TRIM11: variants seen among roughly 807,000 people sequenced by gnomAD.
TRIM11 encodes tripartite motif containing 11.
In TRIM11, 15 loss-of-function variants were observed where a neutral mutation model predicts 33.4. The ratio of observed to expected loss-of-function variants is 0.45; its 90% CI spans 0.30 to 0.69. TRIM11 has a LOEUF of 0.69. Among genes scored for constraint, TRIM11 ranks in the 30% least tolerant of loss-of-function variants. The pLI, the probability that TRIM11 is intolerant of heterozygous loss-of-function variation, is 0.08. For synonymous variants in TRIM11, 281 were observed against 302.6 expected (o/e 0.93, Z 0.74); for missense variants, 499 against 667.6 (o/e 0.75, Z 2.78).
chr1:228,394,570 G>A lies in TRIM11; in HGVS notation c.*135C>T, dbSNP rs896183147. 4 of 1,007,718 alleles carry A rather than the reference G, an allele frequency of 4.0e-6. No homozygotes were observed. In the African/African-American group the frequency reaches 4.9e-5, roughly 12 times the overall value. 62.4% of individuals were successfully genotyped at this position (1,007,718 alleles called of 1,614,324 possible). On this transcript the variant is annotated 3_prime_UTR_variant, in exon 6 of 6. Transcript: ENST00000284551. This position sits in a 1 kb window ranked among gnomAD's most constrained non-coding sequence, Gnocchi z 6.2. ...CTAGAATTGGGGTTCTCCCACGCAG[G>A]CTCAGAAAGGCACCAGGAGTTCCTC...
At chr1:228,399,838 T>C (rs1402277044) in intron 3 of TRIM11, among the ~76,000 whole-genome samples, 1 of 131,036 alleles carries the variant, frequency 7.6e-6, no homozygotes, top group African/African-American at 2.9e-5. Context: ...ACCATTCGGG[T>C]GATGGCTACA....
In TRIM11 at chr1:228,394,565, C is replaced by T. The variant is rs952852397; in HGVS notation, c.*140G>A. The T allele has an allele frequency of 1.8e-5, 17 of 970,922 alleles. No homozygotes were observed. Among genetic ancestry groups the T allele is most frequent in the Admixed American group, 1.5e-4 (5 of 34,124 alleles). The allele number at this position is 970,922 out of a possible 1,614,324, so 60.1% of individuals were successfully genotyped here. A position where few individuals can be genotyped will look rare whatever the true frequency, so the allele number is the denominator to read the frequency against. ...GAGTGCTAGAATTGGGGTTCTCCCA[C>T]GCAGGCTCAGAAAGGCACCAGGAGT... is the stretch of plus-strand genomic sequence containing the variant. On this transcript the variant is annotated 3_prime_UTR_variant, in exon 6 of 6. Transcript: ENST00000284551. The surrounding 1 kb of genome is among the most constrained non-coding windows in gnomAD (Gnocchi z 6.2).
At chr1:228,396,660 G>A in intron 5 of TRIM11, 1 of 715,768 alleles carries the variant, frequency 1.4e-6, no homozygotes, top group South Asian at 1.5e-5. Flanking sequence ...AATCTGTGGG[G>A]TCTGTACTAA....
chr1:228,394,801 C>A lies in TRIM11; in HGVS notation c.1311G>T (p.Thr437=), dbSNP rs1348422380. 6.2e-7 allele frequency: 1 copy of A among 1,613,934 alleles called. No homozygotes were observed. The highest frequency in any genetic ancestry group is 1.3e-5 in the African/African-American group (1 of 74,892). Residue 437 remains threonine, a synonymous_variant, in exon 6 of 6, where the codon ACG becomes ACT. Coordinates refer to ENST00000284551, the MANE Select transcript of TRIM11 (RefSeq NM_145214.3). The surrounding 1 kb of genome is among the most constrained non-coding windows in gnomAD (Gnocchi z 6.2). ...ACAGGGGTGAGAAGAGGGGCCGCAG[C>A]GTCCCCGAGAAGGGGATCTCGGGAA... is the stretch of plus-strand genomic sequence containing the variant. ...FIFPEIPFSG[T]LRPLFSPLSS...
chr1:228,401,925 G>A lies in TRIM11; in HGVS notation c.504+141C>T, dbSNP rs771786385. On this transcript the variant is annotated intron_variant, in intron 2 of 5. Transcript: ENST00000284551. This position sits in a 1 kb window ranked among gnomAD's most constrained non-coding sequence, Gnocchi z 6.1. ...AAAGGACCAGCCCTTCAGTGGGCTC[G>A]GTGGGGCCAGGCTGAAGCAGTGACT... 69 of 550,998 alleles carry A rather than the reference G, an allele frequency of 1.3e-4. No individual in the cohort carries two copies. The highest frequency in any genetic ancestry group is 1.9e-4 in the Non-Finnish European group (63 of 332,822). The allele number at this position is 550,998 out of a possible 1,614,324, so 34.1% of individuals were successfully genotyped here.
rs1656306567 is a variant in TRIM11 at position 228,403,668 on chromosome 1, T to C, written c.409-1507A>G. Reference sequence around the variant, plus strand: ...CCTACGGGACATTTTCAGTTTTCTTTTTTTGAGACGGAGTCTCGCTTTGTC... The same window carrying C: ...CCTACGGGACATTTTCAGTTTTCTTCTTTTGAGACGGAGTCTCGCTTTGTC... On this transcript the variant is annotated intron_variant, in intron 1 of 5. Transcript: ENST00000284551. This position sits in a 1 kb window ranked among gnomAD's most constrained non-coding sequence, Gnocchi z 4.8. 1.3e-5 allele frequency: 2 copies of C among 152,372 alleles called. 1 individual carries two copies. The highest frequency in any genetic ancestry group is 4.1e-4 in the South Asian group (2 of 4,838). The allele number at this position is 152,372 out of a possible 1,614,324, so 9.4% of individuals were successfully genotyped here. A position where few individuals can be genotyped will look rare whatever the true frequency, so the allele number is the denominator to read the frequency against.
At position 228,406,009 on chromosome 1, in the gene TRIM11, G is replaced by T; in HGVS notation, c.408+145C>A. Reference sequence around the variant, plus strand: ...ACCCTGCGCGACACCCCCCTCACAGGCCCACAGCAGGCTGCATCCTGAGCT... The same window carrying T: ...ACCCTGCGCGACACCCCCCTCACAGTCCCACAGCAGGCTGCATCCTGAGCT... On this transcript the variant is annotated intron_variant, in intron 1 of 5. Transcript: ENST00000284551. This position sits in a 1 kb window ranked among gnomAD's most constrained non-coding sequence, Gnocchi z 8.2. 1.1e-6 allele frequency: 1 copy of T among 949,080 alleles called. No homozygotes were observed. Among genetic ancestry groups the T allele is most frequent in the Non-Finnish European group, 1.4e-6 (1 of 710,112 alleles). 58.8% of individuals were successfully genotyped at this position (949,080 alleles called of 1,614,324 possible).
rs542020938 is a variant in TRIM11, at chr1:228,401,890, T to A, written c.504+176A>T. On this transcript the variant is annotated intron_variant, in intron 2 of 5. Transcript: ENST00000284551. This position sits in a 1 kb window ranked among gnomAD's most constrained non-coding sequence, Gnocchi z 6.1. ...CACGCCCACGACCTGGCAGGACAGG[T>A]GCACGTGGGAAAGGACCAGCCCTTC... 2.1e-4 allele frequency among the ~76,000 whole-genome samples: 32 copies of A among 151,948 alleles called. No individual in the cohort carries two copies. The highest frequency in any genetic ancestry group is 7.5e-4 in the African/African-American group (31 of 41,440).
Position 228,406,569 on chromosome 1 carries a change from A to T in TRIM11, c.-8T>A. 6.6e-7 allele frequency: 1 copy of T among 1,507,518 alleles called. No homozygotes were observed. The highest frequency in any genetic ancestry group is 8.9e-7 in the Non-Finnish European group (1 of 1,124,250). 93.4% of individuals were successfully genotyped at this position (1,507,518 alleles called of 1,614,324 possible). ...CAGGTCGGGGGCGGCCATGGCGCGGACAGAGGGGAGGAAGGCGGTACTGTC... is the reference window on the plus strand; with the variant it reads ...CAGGTCGGGGGCGGCCATGGCGCGGTCAGAGGGGAGGAAGGCGGTACTGTC... On this transcript the variant is annotated 5_prime_UTR_variant, in exon 1 of 6. Transcript: ENST00000284551. This position sits in a 1 kb window ranked among gnomAD's most constrained non-coding sequence, Gnocchi z 8.2.
chr1:228,406,106 G>T lies in TRIM11; in HGVS notation c.408+48C>A. On this transcript the variant is annotated intron_variant, in intron 1 of 5. Coordinates refer to ENST00000284551, the MANE Select transcript of TRIM11 (RefSeq NM_145214.3). This position sits in a 1 kb window ranked among gnomAD's most constrained non-coding sequence, Gnocchi z 8.2. ...CCTCCCACCCGCCCAGGCCTCCCCA[G>T]TCCCCGGCTCCCCGACGCCCCTGCA... The T allele has an allele frequency of 1.1e-6, 1 of 873,674 alleles. No individual in the cohort carries two copies. The highest frequency in any genetic ancestry group is 1.5e-6 in the Non-Finnish European group (1 of 646,918). The allele number at this position is 873,674 out of a possible 1,614,324, so 54.1% of individuals were successfully genotyped here.
Position 228,403,614 on chromosome 1 carries a change from C to G in TRIM11, c.409-1453G>C, listed in dbSNP as rs1303512314. The G allele has an allele frequency of 1.3e-5, 2 of 152,344 alleles. No individual in the cohort carries two copies. The highest frequency in any genetic ancestry group is 2.9e-5 in the Non-Finnish European group (2 of 68,108). The allele number at this position is 152,344 out of a possible 1,614,324, so 9.4% of individuals were successfully genotyped here. ...CCCACCTCAAACACTTGGCCCAGTGCCTCTCACTTCTCCCTCAATGCCTCA... is the reference window on the plus strand; with the variant it reads ...CCCACCTCAAACACTTGGCCCAGTGGCTCTCACTTCTCCCTCAATGCCTCA... On this transcript the variant is annotated intron_variant, in intron 1 of 5. Coordinates refer to ENST00000284551, the MANE Select transcript of TRIM11 (RefSeq NM_145214.3). The surrounding 1 kb of genome is among the most constrained non-coding windows in gnomAD (Gnocchi z 4.8).
chr1:228,398,153 G>A (rs1219720385), intron 3 of TRIM11, among the ~76,000 whole-genome samples: 1 of 152,202 alleles, frequency 6.6e-6, no homozygotes. Context: ...AACCCACACT[G>A]TCAAATAGAC....
intron 3 of TRIM11, 32 bp from the exon 4 acceptor site, chr1:228,397,197 G>A (rs776929483): frequency 1.9e-6 from 3 of 1,605,286 alleles, no homozygotes; most frequent in Non-Finnish European, 2.6e-6. Context: ...CACACTCGGT[G>A]TCAGTGACCA....
At position 228,406,044 on chromosome 1, in the gene TRIM11, A is replaced by T; in HGVS notation, c.408+110T>A. On this transcript the variant is annotated intron_variant, in intron 1 of 5. Coordinates refer to ENST00000284551, the MANE Select transcript of TRIM11 (RefSeq NM_145214.3). The surrounding 1 kb of genome is among the most constrained non-coding windows in gnomAD (Gnocchi z 8.2). The stretch of plus-strand genomic sequence containing the variant: ...GGCTGCATCCTGAGCTCCCCGCCCT[A>T]GACAGAGACAGATTACTCCCGGAGC... The T allele has an allele frequency of 8.1e-7, 1 of 1,232,720 alleles. No individual in the cohort carries two copies. Among genetic ancestry groups the T allele is most frequent in the Non-Finnish European group, 1.0e-6 (1 of 961,136 alleles). 76.4% of individuals were successfully genotyped at this position (1,232,720 alleles called of 1,614,324 possible).
chr1:228,395,184 G>A lies in TRIM11; in HGVS notation c.928C>T (p.Gln310Ter). Reference protein sequence around the residue: ...LILSEDRRSVQRGDLRQALPD... With the variant: ...LILSEDRRSV Reference sequence around the variant, plus strand: ...AGGGCCTGCCGTAGGTCCCCCCGCTGCACGCTCCGCCTGTCTTCAGACAGG... The same window carrying A: ...AGGGCCTGCCGTAGGTCCCCCCGCTACACGCTCCGCCTGTCTTCAGACAGG... The change falls in exon 6 of 6, where the codon CAG becomes TAG. Residue 310 changes from glutamine to a stop codon, truncating the protein, a stop_gained. Transcript: ENST00000284551. LOFTEE classifies it low-confidence loss of function (END_TRUNC). This position sits in a 1 kb window ranked among gnomAD's most constrained non-coding sequence, Gnocchi z 4.8. The A allele has an allele frequency of 6.6e-7, 1 of 1,510,450 alleles. No individual in the cohort carries two copies. Among genetic ancestry groups the A allele is most frequent in the Non-Finnish European group, 8.8e-7 (1 of 1,136,104 alleles). 93.6% of individuals were successfully genotyped at this position (1,510,450 alleles called of 1,614,324 possible). A position where few individuals can be genotyped will look rare whatever the true frequency, so the allele number is the denominator to read the frequency against.
chr1:228,404,719 G>A (rs1384710891), intron 1 of TRIM11: 1 of 152,190 alleles, frequency 6.6e-6, no homozygotes, highest in Non-Finnish European at 1.5e-5. Flanking sequence ...TTACTACAAT[G>A]ACCATTATCT....
At chr1:228,402,751 TC>T (rs911637932) in intron 1 of TRIM11, 2 of 152,296 alleles carry the variant, frequency 1.3e-5, no homozygotes, top group African/African-American at 4.8e-5. Context: ...AAAGGAACCC[TC>T]GCCCCTTTCA....
Position 228,395,499 on chromosome 1 carries a change from A to C in TRIM11, c.860-247T>G. The stretch of plus-strand genomic sequence containing the variant: ...GGTCCATGTTTTGCCTTCAGATATC[A>C]AGAGGGAATCTTGGTTGCTTTTTTT... On this transcript the variant is annotated intron_variant, in intron 5 of 5. Coordinates refer to ENST00000284551, the MANE Select transcript of TRIM11 (RefSeq NM_145214.3). The surrounding 1 kb of genome is among the most constrained non-coding windows in gnomAD (Gnocchi z 4.8). 8.0e-6 allele frequency: 3 copies of C among 376,946 alleles called. No homozygotes were observed. The highest frequency in any genetic ancestry group is 2.1e-5 in the African/African-American group (1 of 47,904). The allele number at this position is 376,946 out of a possible 1,614,324, so 23.4% of individuals were successfully genotyped here.
Position 228,401,198 on chromosome 1 carries a change from T to G in TRIM11, c.505-4A>C, listed in dbSNP as rs1188036640. 1 of 1,611,850 alleles carries G rather than the reference T, an allele frequency of 6.2e-7. No homozygotes were observed. The highest frequency in any genetic ancestry group is 1.3e-5 in the African/African-American group (1 of 74,886). On this transcript the variant is annotated splice_region_variant and splice_polypyrimidine_tract_variant and intron_variant, in intron 2 of 5. Coordinates refer to ENST00000284551, the MANE Select transcript of TRIM11 (RefSeq NM_145214.3). This position sits in a 1 kb window ranked among gnomAD's most constrained non-coding sequence, Gnocchi z 6.1. Reference sequence around the variant, plus strand: ...GCCGCTGGCTCTCCACCATCTTCTGTGGAGCCCAGGGAGAAGGACAGCTGA... The same window carrying G: ...GCCGCTGGCTCTCCACCATCTTCTGGGGAGCCCAGGGAGAAGGACAGCTGA...
Sources: allele counts gnomAD v4.1 joint callset (sites outside exome capture counted in the v4.1 genomes callset), GRCh38; gene constraint gnomAD v4.1.1; non-coding constraint Gnocchi (gnomAD v3.1); transcripts MANE v1.5; gene names NCBI Gene and HGNC (gene_info 2026-07-23, HGNC 2026-07-21).